NCMAP: variants seen among roughly 807,000 people sequenced by gnomAD.
NCMAP encodes noncompact myelin-associated protein.
NCMAP carries 8 observed loss-of-function variants against 7.8 expected under a neutral mutation model. That is an observed-to-expected ratio of 1.02 (90% CI 0.60 to 1.84). NCMAP has a LOEUF of 1.84. NCMAP is among the 40% of genes most tolerant of loss of function. NCMAP has a pLI of 0.00. For synonymous variants in NCMAP, 41 were observed against 52.9 expected (o/e 0.78, Z 0.98); for missense variants, 112 against 131.4 (o/e 0.85, Z 0.72).
intron 1 of NCMAP, among the ~76,000 whole-genome samples, chr1:24,583,828 T>C (rs11249138): frequency 0.45 from 67,754 of 151,744 alleles, 15,430 homozygotes; most frequent in East Asian, 0.62. Context: ...GGACCAGGAT[T>C]GCCGAGGACG....
chr1:24,594,118 C>T (rs1652140523), intron 1 of NCMAP, among the ~76,000 whole-genome samples: 1 of 152,060 alleles, frequency 6.6e-6, no homozygotes, highest in Non-Finnish European at 1.5e-5. Flanking sequence ...TCTCAAACTC[C>T]TGACCTCAGG....
Position 24,573,981 on chromosome 1 carries a change from G to C in NCMAP, c.-8+17812G>C, listed in dbSNP as rs536232932. 1.0e-3 allele frequency among the ~76,000 whole-genome samples: 109 copies of C among 108,494 alleles called. 7 individuals carry two copies. Among genetic ancestry groups the C allele is most frequent in the Admixed American group, 6.8e-3 (81 of 11,980 alleles). 71.2% of individuals were successfully genotyped at this position (108,494 alleles called of 152,430 possible). A position where few individuals can be genotyped will look rare whatever the true frequency, so the allele number is the denominator to read the frequency against. ...AAAAAAAAAAAAAAAACAGAAAAAA[G>C]GGGGAATATGTCAGTCTAGCTCCTG... On this transcript the variant is annotated intron_variant, in intron 1 of 3. Transcript: ENST00000374392.
chr1:24,557,890 T>C (rs1026859537), intron 1 of NCMAP, among the ~76,000 whole-genome samples: 1 of 152,002 alleles, frequency 6.6e-6, no homozygotes, highest in African/African-American at 2.4e-5. Flanking sequence ...CTGGGCTCTG[T>C]GGGAATCTAG....
chr1:24,573,702 C>T (rs1401071317), intron 1 of NCMAP, among the ~76,000 whole-genome samples: 1 of 150,482 alleles, frequency 6.6e-6, no homozygotes, highest in Non-Finnish European at 1.5e-5. Flanking sequence ...CTTTGGAAGG[C>T]CGAAGCAGGA....
chr1:24,578,327 G>A (rs1651647834), intron 1 of NCMAP, among the ~76,000 whole-genome samples: 2 of 151,718 alleles, frequency 1.3e-5, no homozygotes, highest in Non-Finnish European at 2.9e-5. Flanking sequence ...GGCTTTGCTG[G>A]CCCTCAGTCT....
At chr1:24,563,534 C>CAAAAAAAAAAAA (rs57911205) in intron 1 of NCMAP, 12 of 125,376 alleles carry the variant, frequency 9.6e-5, no homozygotes, top group South Asian at 5.1e-4. Flanking sequence ...AAAACAACAA[C>CAAAAAAAAAAAA]AAAAAAAAAA....
At chr1:24,561,588 A>G (rs1273489911) in intron 1 of NCMAP, among the ~76,000 whole-genome samples, 8 of 152,020 alleles carry the variant, frequency 5.3e-5, no homozygotes, top group African/African-American at 9.7e-5. Flanking sequence ...GGAAGCTCTA[A>G]CCTCACAGTA....
chr1:24,595,562 T>C (rs2148935822), intron 2 of NCMAP, 50 bp downstream of exon 2: 2 of 1,451,702 alleles, frequency 1.4e-6, no homozygotes, highest in Non-Finnish European at 1.9e-6. Context: ...AGGACCAGTG[T>C]CATGGTCATA....
Position 24,595,420 on chromosome 1 carries a change from T to C in NCMAP, c.-7-4T>C. ...AAACAAAATATCTTCTTCTTTCTCATCAGGATCGAGATGACCACAGCCACC... is the reference window on the plus strand; with the variant it reads ...AAACAAAATATCTTCTTCTTTCTCACCAGGATCGAGATGACCACAGCCACC... On this transcript the variant is annotated splice_polypyrimidine_tract_variant and splice_region_variant and intron_variant, in intron 1 of 3. Coordinates refer to ENST00000374392, the MANE Select transcript of NCMAP (RefSeq NM_001010980.5). 1 of 1,598,664 alleles carries C rather than the reference T, an allele frequency of 6.3e-7. No homozygotes were observed. The highest frequency in any genetic ancestry group is 8.6e-7 in the Non-Finnish European group (1 of 1,166,884).
intron 1 of NCMAP, 37 bp from the exon 2 acceptor site, chr1:24,595,387 C>T: frequency 6.9e-7 from 1 of 1,455,636 alleles, no homozygotes; most frequent in Non-Finnish European, 9.6e-7. Flanking sequence ...AAGGATTTAT[C>T]TAATTTTAAA....
intron 1 of NCMAP, among the ~76,000 whole-genome samples, chr1:24,588,783 G>A (rs903978942): frequency 6.6e-6 from 1 of 152,208 alleles, no homozygotes; most frequent in African/African-American, 2.4e-5. Context: ...GAGGCTCAGA[G>A]TGTGGCCAAG....
intron 1 of NCMAP, among the ~76,000 whole-genome samples, chr1:24,574,140 T>A (rs1161915955): frequency 7.0e-6 from 1 of 142,092 alleles, no homozygotes; most frequent in Admixed American, 7.0e-5. Context: ...TTTTTTTTTT[T>A]AGACGGAGTC....
chr1:24,582,595 A>G (rs1310970281), intron 1 of NCMAP, among the ~76,000 whole-genome samples: 1 of 152,122 alleles, frequency 6.6e-6, no homozygotes, highest in Non-Finnish European at 1.5e-5. Context: ...GGAGGAAGAA[A>G]CCACGAGCCA....
intron 1 of NCMAP, among the ~76,000 whole-genome samples, chr1:24,586,315 G>A (rs954059161): frequency 6.6e-6 from 1 of 152,118 alleles, no homozygotes; most frequent in Non-Finnish European, 1.5e-5. Context: ...AAATCAACAC[G>A]GTCAAGGCTA....
At chr1:24,597,647 G>GAAAGAAAGAAAGAAAAGAA (rs1553157442) in intron 2 of NCMAP, among the ~76,000 whole-genome samples, 16 of 131,152 alleles carry the variant, frequency 1.2e-4, no homozygotes, top group Non-Finnish European at 2.6e-4. Flanking sequence ...AAGAAAGAAA[G>GAAAGAAAGAAAGAAAAGAA]AAAGAAAGAA....
chr1:24,603,786 A>G (rs552849936), intron 3 of NCMAP, among the ~76,000 whole-genome samples: 1 of 151,628 alleles, frequency 6.6e-6, no homozygotes, highest in African/African-American at 2.4e-5. Flanking sequence ...CAATAGAGAA[A>G]GAGAAAGTAA....
intron 3 of NCMAP, among the ~76,000 whole-genome samples, chr1:24,602,119 A>C (rs913659245): frequency 2.6e-5 from 4 of 152,102 alleles, no homozygotes; most frequent in African/African-American, 7.2e-5. Flanking sequence ...ATATTGTCAA[A>C]GTTTACAAAA....
intron 1 of NCMAP, among the ~76,000 whole-genome samples, chr1:24,584,709 G>A (rs1264752151): frequency 6.6e-6 from 1 of 152,026 alleles, no homozygotes; most frequent in African/African-American, 2.4e-5. Flanking sequence ...CCCAGTACAT[G>A]TGATTGAAGA....
At chr1:24,598,630 C>CT (rs57179814) in intron 2 of NCMAP, among the ~76,000 whole-genome samples, 6,524 of 148,318 alleles carry the variant, frequency 0.044, 227 homozygotes, top group Middle Eastern at 0.12. Context: ...TCTTTTCTTT[C>CT]TTTTTTTTTT....
Sources: gnomAD v4.1 joint callset for allele counts (sites outside exome capture counted in the v4.1 genomes callset) on GRCh38, gnomAD v4.1.1 for gene constraint, MANE v1.5 for transcripts, NCBI Gene and HGNC (gene_info 2026-07-23, HGNC 2026-07-21) for gene names.